The following NDE1 variants were observed in gnomAD, a reference collection of about 807,000 sequenced individuals.
NDE1 encodes nudE neurodevelopment protein 1.
Under a neutral mutation model 43.4 loss-of-function variants are expected in NDE1, and 28 were observed. That is an observed-to-expected ratio of 0.65 (90% CI 0.48 to 0.89). The LOEUF (loss-of-function observed/expected upper bound fraction) is 0.89, where lower values mean the gene tolerates loss of function less well. Ranked by LOEUF, NDE1 falls within the 40% of genes least tolerant of loss-of-function variation. The pLI, the probability that NDE1 is intolerant of heterozygous loss-of-function variation, is 0.00. For synonymous variants in NDE1, 184 were observed against 172.0 expected (o/e 1.07, Z -0.55); for missense variants, 441 against 434.1 (o/e 1.02, Z -0.14).
At chr16:15,654,394 GATCGAGA>G (rs2036650901) in intron 1 of NDE1, among the ~76,000 whole-genome samples, 1 of 151,862 alleles carries the variant, frequency 6.6e-6, no homozygotes. Flanking sequence ...GAGGTCAGGA[GATCGAGA>G]CCAGCCTGGC....
chr16:15,682,965 A>G (rs903471098), intron 4 of NDE1, among the ~76,000 whole-genome samples: 3 of 151,982 alleles, frequency 2.0e-5, no homozygotes, highest in African/African-American at 7.2e-5. Flanking sequence ...TCGGCCTCCC[A>G]AAGTGCTGGG....
Position 15,724,458 on chromosome 16 carries a change from C to A in NDE1, c.*207C>A. The A allele has an allele frequency of 1.2e-6, 2 of 1,611,202 alleles. No homozygotes were observed. The highest frequency in any genetic ancestry group is 1.1e-5 in the South Asian group (1 of 90,944). On this transcript the variant is annotated 3_prime_UTR_variant, in exon 9 of 9. Coordinates refer to ENST00000396354, the MANE Select transcript of NDE1 (RefSeq NM_017668.3). ...GGGTGAGAGGGGGACCATGAGTGGC[C>A]CCTGTCCCTGGCCCCACAGACTCTG... is the stretch of plus-strand genomic sequence containing the variant.
chr16:15,719,354 G>A, intron 8 of NDE1: 1 of 1,589,584 alleles, frequency 6.3e-7, no homozygotes, highest in Non-Finnish European at 8.6e-7. Flanking sequence ...GAAAGGCCAA[G>A]CCCCACCAAG....
At chr16:15,691,666 G>A (rs1262368205) in intron 6 of NDE1, among the ~76,000 whole-genome samples, 2 of 149,778 alleles carry the variant, frequency 1.3e-5, no homozygotes, top group Admixed American at 6.6e-5. Context: ...TTTGAGACAG[G>A]ATCTCACTCT....
chr16:15,714,598 G>A (rs796195306), intron 8 of NDE1: 20 of 515,652 alleles, frequency 3.9e-5, no homozygotes, highest in South Asian at 3.7e-4. Flanking sequence ...ACTCAGTGAT[G>A]CAATGAAGGA....
intron 3 of NDE1, among the ~76,000 whole-genome samples, chr16:15,671,897 A>G (rs576130635): frequency 2.0e-5 from 3 of 151,990 alleles, no homozygotes; most frequent in Admixed American, 6.6e-5. Flanking sequence ...TCATGTGCCC[A>G]TGCTAGTCTG....
intron 1 of NDE1, among the ~76,000 whole-genome samples, chr16:15,663,310 G>A (rs1395512428): frequency 2.0e-5 from 3 of 150,646 alleles, no homozygotes; most frequent in African/African-American, 7.3e-5. Flanking sequence ...CACGATCTCA[G>A]CTCACTGCAA....
intron 3 of NDE1, among the ~76,000 whole-genome samples, chr16:15,673,547 AT>A (rs34853720): frequency 0.022 from 3,046 of 137,188 alleles, 22 homozygotes; most frequent in Non-Finnish European, 0.033. Flanking sequence ...CAGGCTGGTG[AT>A]TTTTTTTTTT....
chr16:15,644,050 A>G (rs1015456545), intron 1 of NDE1: 2 of 152,212 alleles, frequency 1.3e-5, no homozygotes, highest in African/African-American at 2.4e-5. Context: ...AAGACTCAGC[A>G]AAAGGGTGAT....
chr16:15,649,133 TTGC>T (rs1362108790), upstream of NDE1, among the ~76,000 whole-genome samples: 1 of 151,814 alleles, frequency 6.6e-6, no homozygotes, highest in African/African-American at 2.4e-5. Flanking sequence ...AAGGCAGAGG[TTGC>T]AGTGAGTGGA....
At position 15,721,340 on chromosome 16, in the gene NDE1, G is replaced by A; in HGVS notation, c.948-2851G>A. The A allele has an allele frequency of 2.7e-6, 4 of 1,469,172 alleles. No homozygotes were observed. In the South Asian group the frequency reaches 3.4e-5, roughly 13 times the overall value. 91.0% of individuals were successfully genotyped at this position (1,469,172 alleles called of 1,614,324 possible). The stretch of plus-strand genomic sequence containing the variant: ...TAGTTCGCTATGAAAAAGGCCAGGA[G>A]CTAGCCTCGCATGGACTGGTGAATA... On this transcript the variant is annotated intron_variant, in intron 8 of 8. Transcript: ENST00000396354.
chr16:15,719,323 G>C, intron 8 of NDE1: 1 of 1,608,582 alleles, frequency 6.2e-7, no homozygotes, highest in East Asian at 2.2e-5. Context: ...GTGGGAGGGA[G>C]GAAGGCTGTT....
At chr16:15,699,650 T>G in intron 8 of NDE1, 1 of 1,294,986 alleles carries the variant, frequency 7.7e-7, no homozygotes, top group Non-Finnish European at 1.0e-6. Flanking sequence ...ATGTTCACCC[T>G]TATAACTCTC....
chr16:15,669,625 G>T (rs1328703829), intron 3 of NDE1, among the ~76,000 whole-genome samples: 1 of 152,090 alleles, frequency 6.6e-6, no homozygotes, highest in Non-Finnish European at 1.5e-5. Flanking sequence ...CTCCCAAAGT[G>T]CTGGGATTAC....
chr16:15,708,655 G>A (rs545554756), intron 8 of NDE1: 65 of 837,452 alleles, frequency 7.8e-5, no homozygotes, highest in Non-Finnish European at 1.2e-4. Flanking sequence ...TGAAAGCTTT[G>A]CACAAAGATA....
chr16:15,646,535 C>G (rs554802465), upstream of NDE1, among the ~76,000 whole-genome samples: 8 of 149,918 alleles, frequency 5.3e-5, no homozygotes, highest in East Asian at 1.2e-3. Flanking sequence ...GAGCCGAGAT[C>G]GTGCCACTGC....
intron 8 of NDE1, chr16:15,703,766 C>T (rs1242385456): frequency 1.7e-6 from 1 of 597,826 alleles, no homozygotes; most frequent in Non-Finnish European, 3.0e-6. Context: ...TTTTTAAATT[C>T]TTGTATAGAT....
intron 3 of NDE1, among the ~76,000 whole-genome samples, chr16:15,676,227 T>G (rs1214537009): frequency 1.4e-5 from 2 of 143,450 alleles, no homozygotes; most frequent in African/African-American, 5.1e-5. Flanking sequence ...TTTTTCTGGT[T>G]TTTTTTTTTT....
chr16:15,669,527 A>G (rs2037485885), intron 3 of NDE1, among the ~76,000 whole-genome samples: 2 of 151,796 alleles, frequency 1.3e-5, no homozygotes, highest in Admixed American at 6.6e-5. Context: ...ATGCCTGGCT[A>G]ATTTTTGTAT....
Sources: gnomAD v4.1 joint callset for allele counts (sites outside exome capture counted in the v4.1 genomes callset) on GRCh38, gnomAD v4.1.1 for gene constraint, MANE v1.5 for transcripts, NCBI Gene and HGNC (gene_info 2026-07-23, HGNC 2026-07-21) for gene names.